Variants in MEGF11 observed in about 807,000 individuals in gnomAD.
MEGF11 encodes multiple epidermal growth factor-like domains protein 11.
MEGF11 carries 126 observed loss-of-function variants against 146.6 expected under a neutral mutation model. The observed-to-expected ratio is 0.86, with a 90% CI of 0.74 to 1.00. MEGF11 has a LOEUF of 1.00. Among genes scored for constraint, MEGF11 ranks in the 50% least tolerant of loss-of-function variants. MEGF11 has a pLI of 0.00. For synonymous variants in MEGF11, 532 were observed against 583.4 expected (o/e 0.91, Z 1.27); for missense variants, 1,509 against 1,521.2 (o/e 0.99, Z 0.13).
At position 65,982,745 on chromosome 15, in the gene MEGF11, C is replaced by T. The variant is rs182105718; in HGVS notation, c.395-257G>A. ...CAGCTTCAGAACCTACCTCCTGGTC[C>T]GGCCATTCTCTTCCAACCAAATGGC... is the stretch of plus-strand genomic sequence containing the variant. On this transcript the variant is annotated intron_variant, in intron 5 of 25. Coordinates refer to ENST00000395614, the MANE Select transcript of MEGF11 (RefSeq NM_001385028.1). The surrounding 1 kb of genome is among the most constrained non-coding windows in gnomAD (Gnocchi z 5.6). Among the ~76,000 whole-genome samples the T allele has an allele frequency of 6.7e-3, 1,022 of 152,322 alleles. 13 individuals are homozygous for T. The highest frequency in any genetic ancestry group is 8.7e-3 in the Non-Finnish European group (589 of 68,022).
intron 5 of MEGF11, among the ~76,000 whole-genome samples, chr15:66,020,429 CT>C (rs1337126279): frequency 6.6e-6 from 1 of 152,226 alleles, no homozygotes; most frequent in Non-Finnish European, 1.5e-5. Context: ...CCTGGTGTGG[CT>C]GGGCCTGAAG....
rs1283679354 is a variant in MEGF11 at position 66,178,444 on chromosome 15, GGT to G, written c.-8-50035_-8-50034del. ...CTTCCTATTAATACCTGTTTGCAGT[GGT>G]GTACCCTGGTCTGTTTAGCTCACGG... On this transcript the variant is annotated intron_variant, in intron 1 of 25. Coordinates refer to ENST00000395614, the MANE Select transcript of MEGF11 (RefSeq NM_001385028.1). 6.2e-4 allele frequency among the ~76,000 whole-genome samples: 94 copies of G among 152,288 alleles called. 1 individual carries two copies. The highest frequency in any genetic ancestry group is 2.2e-3 in the African/African-American group (90 of 41,542).
At chr15:66,252,264 C>T (rs1157853176) in intron 1 of MEGF11, among the ~76,000 whole-genome samples, 1 of 142,350 alleles carries the variant, frequency 7.0e-6, no homozygotes, top group Non-Finnish European at 1.5e-5. Flanking sequence ...GGTTTTAACC[C>T]TTGTTTCCCT....
chr15:66,058,840 C>G (rs1002377198), intron 5 of MEGF11, among the ~76,000 whole-genome samples: 1 of 152,090 alleles, frequency 6.6e-6, no homozygotes, highest in Non-Finnish European at 1.5e-5. Flanking sequence ...AGATGTCTGT[C>G]CCAGTCATGA....
chr15:66,152,231 G>A (rs1322825447), intron 1 of MEGF11, among the ~76,000 whole-genome samples: 1 of 152,064 alleles, frequency 6.6e-6, no homozygotes, highest in African/African-American at 2.4e-5. Context: ...AACCCACCTT[G>A]GTCTCAAGTC....
chr15:66,011,167 T>A (rs1389915325), intron 5 of MEGF11, among the ~76,000 whole-genome samples: 1 of 152,144 alleles, frequency 6.6e-6, no homozygotes, highest in African/African-American at 2.4e-5. Context: ...TGAGGACAGA[T>A]GTTCTCAGGG....
intron 2 of MEGF11, among the ~76,000 whole-genome samples, chr15:66,126,931 C>T (rs550163977): frequency 9.8e-5 from 15 of 152,304 alleles, no homozygotes; most frequent in Admixed American, 7.2e-4. Flanking sequence ...GAGACTTTTT[C>T]GAATGCACCT....
intron 1 of MEGF11, among the ~76,000 whole-genome samples, chr15:66,209,114 G>A (rs1055344980): frequency 6.6e-6 from 1 of 152,124 alleles, no homozygotes; most frequent in Non-Finnish European, 1.5e-5. Flanking sequence ...ACTTTGGGAG[G>A]CTGAGGCGGG....
chr15:66,230,020 G>A (rs12915138), intron 1 of MEGF11, among the ~76,000 whole-genome samples: 41,993 of 152,108 alleles, frequency 0.28, 6,191 homozygotes, highest in Non-Finnish European at 0.35. Flanking sequence ...TCCTACAAGA[G>A]AGGGAGATTC....
chr15:66,202,535 C>G (rs1024936195), intron 1 of MEGF11, among the ~76,000 whole-genome samples: 1 of 152,194 alleles, frequency 6.6e-6, no homozygotes, highest in Non-Finnish European at 1.5e-5. Flanking sequence ...CTCCGTGACC[C>G]CTAGGGGTGG....
rs752076676 is a variant in MEGF11, at chr15:65,916,934, G to A, written c.2109C>T (p.Gly703=). 6.5e-7 allele frequency: 1 copy of A among 1,536,218 alleles called. No individual in the cohort carries two copies. The highest frequency in any genetic ancestry group is 8.8e-7 in the Non-Finnish European group (1 of 1,138,948). Residue 703 remains glycine (G), a synonymous_variant, in exon 17 of 26, where the codon GGC becomes GGT. Transcript: ENST00000395614. ...CSQACPPGFW[G]PACFHACSCH... ...AGCTGCATGCGTGGAAGCAGGCGGG[G>A]CCCCAGAACCCGGGTGGGCAAGCTG...
At chr15:66,096,327 G>A (rs1160120947) in intron 4 of MEGF11, among the ~76,000 whole-genome samples, 8 of 152,240 alleles carry the variant, frequency 5.3e-5, no homozygotes, top group African/African-American at 9.6e-5. Context: ...GCAACCTGCC[G>A]AGTGTCAGGA....
chr15:65,969,782 C>G (rs1288589796), intron 8 of MEGF11, among the ~76,000 whole-genome samples: 2 of 152,080 alleles, frequency 1.3e-5, no homozygotes, highest in African/African-American at 4.8e-5. Context: ...CCCACAGAAC[C>G]AGGCATGGGG....
chr15:65,950,653 A>G (rs2141440927), intron 10 of MEGF11, among the ~76,000 whole-genome samples: 1 of 152,232 alleles, frequency 6.6e-6, no homozygotes, highest in African/African-American at 2.4e-5. Flanking sequence ...AACTAGGGGC[A>G]CAGAGAGGTA....
chr15:66,085,510 G>A (rs1420221589), intron 5 of MEGF11, among the ~76,000 whole-genome samples: 7 of 152,226 alleles, frequency 4.6e-5, no homozygotes, highest in Admixed American at 3.9e-4. Flanking sequence ...ACTCTGTGCA[G>A]ACAACCCCCA....
At chr15:66,075,221 AG>A (rs2085522930) in intron 5 of MEGF11, among the ~76,000 whole-genome samples, 1 of 152,188 alleles carries the variant, frequency 6.6e-6, no homozygotes, top group Non-Finnish European at 1.5e-5. Flanking sequence ...TGAATATATC[AG>A]GCCCCTAATA....
chr15:65,954,273 C>T (rs1263332139), intron 10 of MEGF11, among the ~76,000 whole-genome samples: 2 of 152,144 alleles, frequency 1.3e-5, no homozygotes, highest in Non-Finnish European at 2.9e-5. Flanking sequence ...AAAGGCATTG[C>T]TAATTATTAC....
intron 5 of MEGF11, among the ~76,000 whole-genome samples, chr15:66,033,704 C>T (rs2083617387): frequency 6.6e-6 from 1 of 152,278 alleles, no homozygotes; most frequent in Non-Finnish European, 1.5e-5. Context: ...GTCCAGACTG[C>T]AAGACACGGA....
At chr15:66,227,991 C>A (rs530990212) in intron 1 of MEGF11, among the ~76,000 whole-genome samples, 1 of 152,304 alleles carries the variant, frequency 6.6e-6, no homozygotes, top group East Asian at 1.9e-4. Context: ...AGCCCAAGAG[C>A]TAGTCCAGGT....
Sources: gnomAD v4.1 joint callset for allele counts (sites outside exome capture counted in the v4.1 genomes callset) on GRCh38, gnomAD v4.1.1 for gene constraint, Gnocchi (gnomAD v3.1) non-coding constraint, MANE v1.5 for transcripts, NCBI Gene and HGNC (gene_info 2026-07-23, HGNC 2026-07-21) for gene names.